Variants in VPS54 observed in about 807,000 individuals in gnomAD.
The protein encoded by VPS54 is vacuolar protein sorting-associated protein 54.
VPS54 carries 45 observed loss-of-function variants against 121.5 expected under a neutral mutation model. That is an observed-to-expected ratio of 0.37 (90% CI 0.29 to 0.47). VPS54 has a LOEUF of 0.47. Ranked by LOEUF, VPS54 falls within the 20% of genes least tolerant of loss-of-function variation. VPS54 has a pLI of 0.99. For synonymous variants in VPS54, 371 were observed against 385.8 expected (o/e 0.96, Z 0.45); for missense variants, 1,090 against 1,131.4 (o/e 0.96, Z 0.52).
intron 12 of VPS54, among the ~76,000 whole-genome samples, chr2:63,923,645 G>A (rs553924208): frequency 9.2e-5 from 14 of 152,264 alleles, no homozygotes; most frequent in African/African-American, 3.4e-4. Flanking sequence ...TTTGATATAT[G>A]CTTCAACATG....
intron 3 of VPS54, among the ~76,000 whole-genome samples, chr2:63,976,261 A>AG (rs1390070614): frequency 6.7e-6 from 1 of 149,022 alleles, no homozygotes; most frequent in African/African-American, 2.5e-5. Context: ...CTGAGATGGG[A>AG]GGATTGCTCG....
At chr2:63,943,939 C>T (rs1178417363) in intron 10 of VPS54, among the ~76,000 whole-genome samples, 2 of 151,226 alleles carry the variant, frequency 1.3e-5, no homozygotes, top group Admixed American at 6.6e-5. Context: ...ACTTTATTGC[C>T]CAGGGTGGTC....
At chr2:63,939,430 C>A (rs1350023698) in intron 11 of VPS54, among the ~76,000 whole-genome samples, 1 of 151,980 alleles carries the variant, frequency 6.6e-6, no homozygotes, top group Non-Finnish European at 1.5e-5. Flanking sequence ...AATTGGATAT[C>A]CTTTGTCTTT....
chr2:63,933,637 A>G (rs761300667), intron 12 of VPS54, 36 bp downstream of exon 12: 16 of 1,573,334 alleles, frequency 1.0e-5, no homozygotes, highest in Non-Finnish European at 1.3e-5. Flanking sequence ...AGATGACTCA[A>G]AATCTTGTCA....
At chr2:63,996,521 G>C (rs571294894) in intron 1 of VPS54, among the ~76,000 whole-genome samples, 2 of 152,206 alleles carry the variant, frequency 1.3e-5, no homozygotes, top group Non-Finnish European at 2.9e-5. Flanking sequence ...GCGATGTTCA[G>C]GGAACAAGGG....
At chr2:63,913,876 G>C (rs973326870) in intron 17 of VPS54, 7 of 1,120,772 alleles carry the variant, frequency 6.2e-6, no homozygotes, top group Non-Finnish European at 7.6e-6. Flanking sequence ...ATGCACATTT[G>C]AAGCCAGTCC....
intron 1 of VPS54, among the ~76,000 whole-genome samples, chr2:63,994,964 T>C (rs1281701257): frequency 6.6e-6 from 1 of 152,250 alleles, no homozygotes; most frequent in Non-Finnish European, 1.5e-5. Flanking sequence ...ATCATCATTC[T>C]ACTTTGCATA....
In VPS54 at chr2:63,897,730, GTATTC is replaced by G. The variant is rs1434261394; in HGVS notation, c.2734-145_2734-141del. 3 of 529,802 alleles carry G rather than the reference GTATTC, an allele frequency of 5.7e-6. No individual in the cohort carries two copies. In the Admixed American group the frequency reaches 1.2e-4, roughly 21 times the overall value. 32.8% of individuals were successfully genotyped at this position (529,802 alleles called of 1,614,324 possible). The stretch of plus-strand genomic sequence containing the variant: ...ATACTTTTAAAATCCTCCTCTGAAA[GTATTC>G]TATTGCTATTTCACTACATTTTTTC... On this transcript the variant is annotated intron_variant, in intron 21 of 22. Transcript: ENST00000272322.
At chr2:63,963,632 T>C (rs1483487077) in intron 6 of VPS54, among the ~76,000 whole-genome samples, 1 of 152,108 alleles carries the variant, frequency 6.6e-6, no homozygotes. Context: ...TTCAATAATC[T>C]TACAATATCT....
At chr2:63,978,286 C>G (rs1017727744) in intron 3 of VPS54, among the ~76,000 whole-genome samples, 4 of 152,294 alleles carry the variant, frequency 2.6e-5, no homozygotes, top group Middle Eastern at 3.4e-3. Flanking sequence ...TAAATTCCCA[C>G]CAGCGGTATA....
chr2:63,899,661 T>A, intron 20 of VPS54, 80 bp from the exon 21 acceptor site: 1 of 1,160,522 alleles, frequency 8.6e-7, no homozygotes, highest in Non-Finnish European at 1.3e-6. Flanking sequence ...AGACATATAT[T>A]TACTGTCCCT....
rs1672267461 is a variant in VPS54 at position 63,892,637 on chromosome 2, C to T, written c.*793G>A. 1 of 152,546 alleles carries T rather than the reference C, an allele frequency of 6.6e-6. No individual in the cohort carries two copies. Among genetic ancestry groups the T allele is most frequent in the East Asian group, 1.9e-4 (1 of 5,190 alleles). 9.4% of individuals were successfully genotyped at this position (152,546 alleles called of 1,614,324 possible). A position where few individuals can be genotyped will look rare whatever the true frequency, so the allele number is the denominator to read the frequency against. ...ACAAATAAAAACACCCCAAACCCTT[C>T]ATCATACTTTTATAAAAATACAGAT... On this transcript the variant is annotated 3_prime_UTR_variant, in exon 23 of 23. Transcript: ENST00000272322.
At chr2:63,914,155 T>G in intron 17 of VPS54, 27 bp downstream of exon 17, 2 of 1,573,736 alleles carry the variant, frequency 1.3e-6, no homozygotes, top group Non-Finnish European at 1.7e-6. Context: ...GAAAAATTTT[T>G]CCATAATGGA....
chr2:64,015,543 G>C (rs1678642238), intron 1 of VPS54, among the ~76,000 whole-genome samples: 1 of 152,126 alleles, frequency 6.6e-6, no homozygotes, highest in Admixed American at 6.5e-5. Context: ...ATTTCTTGCA[G>C]AAGTATGTCC....
At chr2:63,913,988 A>G in intron 17 of VPS54, 194 bp downstream of exon 17, 1 of 1,262,018 alleles carries the variant, frequency 7.9e-7, no homozygotes, top group Non-Finnish European at 1.1e-6. Context: ...AATGAGGATC[A>G]CTAACTGTGG....
intron 7 of VPS54, among the ~76,000 whole-genome samples, chr2:63,955,078 T>C (rs1377086786): frequency 1.3e-5 from 2 of 152,034 alleles, no homozygotes; most frequent in Non-Finnish European, 1.5e-5. Flanking sequence ...AAAATCCTTA[T>C]CTTTCAAAGA....
chr2:63,979,135 G>C (rs1172542309), intron 3 of VPS54, among the ~76,000 whole-genome samples: 3 of 144,556 alleles, frequency 2.1e-5, no homozygotes, highest in Non-Finnish European at 3.1e-5. Context: ...GTATGCCAAA[G>C]GCTTATCGAG....
intron 2 of VPS54, among the ~76,000 whole-genome samples, chr2:63,982,311 A>G (rs1676835995): frequency 6.6e-6 from 1 of 152,162 alleles, no homozygotes; most frequent in African/African-American, 2.4e-5. Flanking sequence ...AGGATCTCCT[A>G]GATAAAATAT....
At chr2:63,933,598 A>C in intron 12 of VPS54, 75 bp downstream of exon 12, 1 of 1,339,158 alleles carries the variant, frequency 7.5e-7, no homozygotes, top group Non-Finnish European at 1.0e-6. Flanking sequence ...CAATAAACTG[A>C]ATAATCAATC....
Sources: gnomAD v4.1 joint callset for allele counts (sites outside exome capture counted in the v4.1 genomes callset) on GRCh38, gnomAD v4.1.1 for gene constraint, MANE v1.5 for transcripts, NCBI Gene and HGNC (gene_info 2026-07-23, HGNC 2026-07-21) for gene names.